MSN: variants seen among roughly 807,000 people sequenced by gnomAD.
MSN encodes moesin.
In MSN, 2 loss-of-function variants were observed where a neutral mutation model predicts 48.0. The observed-to-expected ratio is 0.04, with a 90% confidence interval of 0.02 to 0.13. The LOEUF is 0.13. MSN is among the 10% of genes least tolerant of loss of function. The probability of loss-of-function intolerance (pLI) is 1.00; values close to 1 mark genes in which losing one functional copy is unlikely to be tolerated. For missense variants in MSN, 267 were observed against 470.1 expected (o/e 0.57, Z 3.99); for synonymous variants, 146 against 166.9 (o/e 0.87, Z 0.97).
chrX:65,595,628 G>A (rs1307858145), intron 1 of MSN, among the ~76,000 whole-genome samples: 1 of 112,238 alleles, frequency 8.9e-6, no homozygotes, highest in Non-Finnish European at 1.9e-5. Flanking sequence ...ACCCATAGAG[G>A]GCAACCACTT....
At chrX:65,733,830 T>A (rs2071648456) in intron 7 of MSN, among the ~76,000 whole-genome samples, 1 of 111,798 alleles carries the variant, frequency 8.9e-6, no homozygotes, top group Non-Finnish European at 1.9e-5. Context: ...ATTTTTGTAG[T>A]TTTAGTAGAG....
At position 65,737,274 on chromosome X, in the gene MSN, C is replaced by A; in HGVS notation, c.1187C>A (p.Ala396Asp). The part of the protein sequence containing the change: ...AEKLAKERQE[A>D]EEAKEALLQA... ...AAGCTGGCCAAGGAGCGTCAAGAAG[C>A]TGAAGAGGCCAAGGAGGCCTTGCTG... Residue 396 changes from alanine (A) to aspartate (D), a missense_variant, in exon 10 of 13, where the codon GCT becomes GAT. Transcript: ENST00000360270. 8.3e-7 allele frequency: 1 copy of A among 1,211,343 alleles called. No individual in the cohort carries two copies. Among genetic ancestry groups the A allele is most frequent in the South Asian group, 1.8e-5 (1 of 56,817 alleles).
chrX:65,732,954 C>T (rs914893485), intron 6 of MSN, among the ~76,000 whole-genome samples: 7 of 111,006 alleles, frequency 6.3e-5, no homozygotes, highest in Non-Finnish European at 9.4e-5. Flanking sequence ...CAGTGGCTCA[C>T]GCCTGTAATC....
chrX:65,697,381 GTTCAGCCACATTC>G (rs1483631534), intron 1 of MSN, among the ~76,000 whole-genome samples: 1 of 111,748 alleles, frequency 8.9e-6, no homozygotes, highest in Non-Finnish European at 1.9e-5. Flanking sequence ...TCAGATGGAT[GTTCAGCCACATTC>G]TTTGCTATAT....
At chrX:65,663,613 T>C (rs888423503), upstream of MSN, among the ~76,000 whole-genome samples, 2 of 111,746 alleles carry the variant, frequency 1.8e-5, no homozygotes, top group African/African-American at 6.5e-5. Flanking sequence ...ACTAGGTATA[T>C]ACCTAAAGGA....
At chrX:65,654,086 A>AT (rs1412810434) in intron 1 of MSN, among the ~76,000 whole-genome samples, 1 of 88,836 alleles carries the variant, frequency 1.1e-5, no homozygotes, top group Non-Finnish European at 2.2e-5. Context: ...CTATGCAATC[A>AT]TTTTATGGAG....
At chrX:65,720,161 C>T (rs771312199) in intron 2 of MSN, among the ~76,000 whole-genome samples, 9 of 112,044 alleles carry the variant, frequency 8.0e-5, no homozygotes, top group Non-Finnish European at 1.1e-4. Flanking sequence ...CCTGGCTAGG[C>T]GCTTTAATCC....
At chrX:65,675,665 T>G in intron 1 of MSN, among the ~76,000 whole-genome samples, 1 of 108,791 alleles carries the variant, frequency 9.2e-6, no homozygotes, top group African/African-American at 3.4e-5. Flanking sequence ...TGAGATGGAG[T>G]CTAGCTCTGT....
At chrX:65,728,462 T>A (rs2147510587) in intron 3 of MSN, among the ~76,000 whole-genome samples, 1 of 109,996 alleles carries the variant, frequency 9.1e-6, no homozygotes, top group South Asian at 3.9e-4. Context: ...CCCGGCTAAT[T>A]TTTTGTATTT....
At chrX:65,601,534 C>A (rs775800650) in intron 1 of MSN, among the ~76,000 whole-genome samples, 2 of 112,865 alleles carry the variant, frequency 1.8e-5, no homozygotes, top group Non-Finnish European at 3.7e-5. Context: ...AGCCCACAGC[C>A]TCTAAATGCC....
In MSN at chrX:65,729,107, T is replaced by C. The variant is rs2071596881; in HGVS notation, c.193-331T>C. On this transcript the variant is annotated intron_variant, in intron 3 of 12. Coordinates refer to ENST00000360270, the MANE Select transcript of MSN (RefSeq NM_002444.3). ...AATTTATGAAGTTGGAGGAGACTTA[T>C]AAGACGAGCTTAAAAGAAGAGCTTA... Among the ~76,000 whole-genome samples, 3 of 112,098 alleles carry C rather than the reference T, an allele frequency of 2.7e-5. No homozygotes were observed. The South Asian group carries it at 1.1e-3, about 42-fold the overall frequency.
chrX:65,665,417 G>A (rs1429842853), upstream of MSN, among the ~76,000 whole-genome samples: 2 of 111,969 alleles, frequency 1.8e-5, no homozygotes, highest in African/African-American at 3.2e-5. Flanking sequence ...GACTGTTTGG[G>A]CTTTCCGATG....
At chrX:65,622,420 C>T in intron 1 of MSN, among the ~76,000 whole-genome samples, 1 of 108,965 alleles carries the variant, frequency 9.2e-6, no homozygotes, top group Admixed American at 1.0e-4. Flanking sequence ...TTTTTCAATT[C>T]TGATGTTTTA....
chrX:65,662,156 A>G (rs1452769578), intron 1 of MSN, among the ~76,000 whole-genome samples: 1 of 112,748 alleles, frequency 8.9e-6, no homozygotes. Context: ...ATGAAAAAAT[A>G]TCCCATGCTC....
At chrX:65,712,467 C>A (rs1455760054) in intron 1 of MSN, among the ~76,000 whole-genome samples, 1 of 110,650 alleles carries the variant, frequency 9.0e-6, no homozygotes, top group African/African-American at 3.3e-5. Context: ...TGGAAATTTG[C>A]ATCTTTGGCA....
chrX:65,607,759 C>T (rs2148353324), intron 1 of MSN, among the ~76,000 whole-genome samples: 1 of 110,842 alleles, frequency 9.0e-6, no homozygotes, highest in South Asian at 3.8e-4. Context: ...TATCCTGAGC[C>T]AAATGTTTGA....
chrX:65,636,495 G>A (rs1012664078), intron 1 of MSN, among the ~76,000 whole-genome samples: 2 of 110,201 alleles, frequency 1.8e-5, no homozygotes, highest in African/African-American at 6.6e-5. Context: ...CCAGCACCTT[G>A]GGAGGCCGAG....
chrX:65,699,987 G>A (rs1486840218), intron 1 of MSN, among the ~76,000 whole-genome samples: 1 of 110,852 alleles, frequency 9.0e-6, no homozygotes, highest in Non-Finnish European at 1.9e-5. Context: ...TTCTTACAGG[G>A]TTTAATTCAG....
intron 1 of MSN, among the ~76,000 whole-genome samples, chrX:65,640,641 A>G (rs1602743902): frequency 9.0e-6 from 1 of 111,635 alleles, no homozygotes; most frequent in Non-Finnish European, 1.9e-5. Context: ...TCAGAACAGC[A>G]TACTCCGTGG....
Sources: gnomAD v4.1 joint callset for allele counts (sites outside exome capture counted in the v4.1 genomes callset) on GRCh38, gnomAD v4.1.1 for gene constraint, MANE v1.5 for transcripts, NCBI Gene and HGNC (gene_info 2026-07-23, HGNC 2026-07-21) for gene names.